The following NNT variants were observed in gnomAD, a reference collection of about 807,000 sequenced individuals.
NNT encodes NAD(P) transhydrogenase, mitochondrial.
In NNT, 50 loss-of-function variants were observed where a neutral mutation model predicts 104.8. The observed-to-expected ratio is 0.48, with a 90% CI of 0.38 to 0.60. The LOEUF (loss-of-function observed/expected upper bound fraction) is 0.60, where lower values mean the gene tolerates loss of function less well. Ranked by LOEUF, NNT falls within the 20% of genes least tolerant of loss-of-function variation. NNT has a pLI of 0.00. For synonymous variants in NNT, 461 were observed against 490.4 expected (o/e 0.94, Z 0.79); for missense variants, 1,131 against 1,330.7 (o/e 0.85, Z 2.33).
rs565598857 is a variant in NNT at position 43,607,840 on chromosome 5, G to T, written c.-53-1303G>T. 4.6e-5 allele frequency among the ~76,000 whole-genome samples: 7 copies of T among 152,322 alleles called. No homozygotes were observed. The South Asian group carries it at 1.4e-3, about 32-fold the overall frequency. ...CTGCTAGGATCAGATGCTCAGTCCC[G>T]TGAGGGTCCACATGATACAGCAGAA... is the stretch of plus-strand genomic sequence containing the variant. On this transcript the variant is annotated intron_variant, in intron 1 of 21. Coordinates refer to ENST00000344920, the MANE Select transcript of NNT (RefSeq NM_182977.3).
chr5:43,639,184 A>C (rs1055166907), intron 7 of NNT, among the ~76,000 whole-genome samples: 2 of 152,172 alleles, frequency 1.3e-5, no homozygotes, highest in African/African-American at 4.8e-5. Flanking sequence ...ACAAAAAAGC[A>C]GAACTTAGTT....
intron 10 of NNT, 149 bp from the exon 11 acceptor site, chr5:43,648,998 A>G (rs1739605780): frequency 3.4e-6 from 3 of 891,822 alleles, no homozygotes; most frequent in African/African-American, 1.7e-5. Flanking sequence ...CCACTTCTCA[A>G]CTGTCAAATG....
intron 7 of NNT, among the ~76,000 whole-genome samples, chr5:43,641,288 AT>A (rs1018129695): frequency 6.6e-6 from 1 of 151,092 alleles, no homozygotes; most frequent in Non-Finnish European, 1.5e-5. Context: ...TTTTGGCTTT[AT>A]TTTTTTCCCT....
intron 12 of NNT, among the ~76,000 whole-genome samples, chr5:43,651,423 C>A (rs145016686): frequency 0.066 from 10,034 of 151,870 alleles, 556 homozygotes; most frequent in African/African-American, 0.15. Context: ...ACTAAAAATA[C>A]AAAAATTAGC....
rs1257387678 is a variant in NNT at position 43,666,770 on chromosome 5, C to T, written c.2634+7420C>T. 5.4e-6 allele frequency: 7 copies of T among 1,298,034 alleles called. No individual in the cohort carries two copies. In the African/African-American group the frequency reaches 1.0e-4, roughly 19 times the overall value. The allele number at this position is 1,298,034 out of a possible 1,614,324, so 80.4% of individuals were successfully genotyped here. A position where few individuals can be genotyped will look rare whatever the true frequency, so the allele number is the denominator to read the frequency against. On this transcript the variant is annotated intron_variant, in intron 17 of 21. Coordinates refer to ENST00000344920, the MANE Select transcript of NNT (RefSeq NM_182977.3). The stretch of plus-strand genomic sequence containing the variant: ...CCTCACGTTGGCAGAGATATCTACT[C>T]TGAAGGCTTTGTAGGGGCCTCGGTA...
At chr5:43,611,325 G>A (rs975920726) in intron 2 of NNT, among the ~76,000 whole-genome samples, 1 of 152,086 alleles carries the variant, frequency 6.6e-6, no homozygotes. Context: ...CAGTTTCTCT[G>A]TCCCTTGTAT....
At chr5:43,643,379 G>A (rs1279072372) in intron 7 of NNT, among the ~76,000 whole-genome samples, 1 of 152,176 alleles carries the variant, frequency 6.6e-6, no homozygotes, top group Non-Finnish European at 1.5e-5. Flanking sequence ...CCTAAGGTCT[G>A]GGTTTTCATC....
chr5:43,703,586 G>T (rs1034555906), intron 21 of NNT, among the ~76,000 whole-genome samples: 1 of 152,082 alleles, frequency 6.6e-6, no homozygotes, highest in African/African-American at 2.4e-5. Context: ...TGTCCTAGTA[G>T]ACCATAGAAA....
Position 43,656,763 on chromosome 5 carries a change from A to C in NNT, c.2404A>C (p.Thr802Pro), listed in dbSNP as rs367728055. The C allele has an allele frequency of 6.2e-7, 1 of 1,614,160 alleles. No individual in the cohort carries two copies. The highest frequency in any genetic ancestry group is 1.3e-5 in the African/African-American group (1 of 75,054). The change falls in exon 16 of 22, where the codon ACT becomes CCT. Residue 802 changes from threonine to proline, a missense_variant. Physicochemically the swap from Thr to Pro is conservative, Grantham distance 38. Transcript: ENST00000344920. ...IIPFMVDPSF[T>P]TGITCLGSVS... is the part of the protein sequence containing the mutation. ...CCCATTCATGGTGGACCCAAGCTTTACTACTGGCATCACCTGTCTGGGTTC... is the reference window on the plus strand; with the variant it reads ...CCCATTCATGGTGGACCCAAGCTTTCCTACTGGCATCACCTGTCTGGGTTC...
chr5:43,625,079 T>C (rs999954069), intron 6 of NNT, among the ~76,000 whole-genome samples: 7 of 152,146 alleles, frequency 4.6e-5, no homozygotes, highest in Non-Finnish European at 8.8e-5. Flanking sequence ...AAACCAAGGA[T>C]AGCTAGAGTT....
At chr5:43,635,420 A>G (rs1750881580) in intron 7 of NNT, among the ~76,000 whole-genome samples, 1 of 152,166 alleles carries the variant, frequency 6.6e-6, no homozygotes, top group South Asian at 2.1e-4. Flanking sequence ...GGTACACATC[A>G]TTCTTGCTTT....
At chr5:43,622,506 G>A (rs1431155678) in intron 5 of NNT, among the ~76,000 whole-genome samples, 4 of 152,124 alleles carry the variant, frequency 2.6e-5, no homozygotes, top group Admixed American at 6.5e-5. Flanking sequence ...AAGCTCAAGC[G>A]ATCCTCCTGT....
At chr5:43,671,267 C>A (rs1371954512) in intron 17 of NNT, among the ~76,000 whole-genome samples, 1 of 152,158 alleles carries the variant, frequency 6.6e-6, no homozygotes, top group South Asian at 2.1e-4. Context: ...TTAATTGGAG[C>A]ATTTAGCCCA....
chr5:43,609,298 A>C lies in NNT; in HGVS notation c.103A>C (p.Thr35Pro). The stretch of plus-strand genomic sequence containing the variant: ...ACGTGTGAAGAAGGATTTTTTACGA[A>C]CATTTTATACTCACCAAGAACTGTG... Reference protein sequence around the residue: ...GLRVKKDFLRTFYTHQELWCK... With the variant: ...GLRVKKDFLRPFYTHQELWCK... Residue 35 changes from threonine (T) to proline (P), a missense_variant, in exon 2 of 22, where the codon ACA (threonine) becomes CCA (proline). By Grantham distance (38) the Thr-to-Pro change is conservative. Transcript: ENST00000344920. 1 of 1,614,136 alleles carries C rather than the reference A, an allele frequency of 6.2e-7. No individual in the cohort carries two copies. The highest frequency in any genetic ancestry group is 8.5e-7 in the Non-Finnish European group (1 of 1,179,996).
In NNT at chr5:43,644,237, T is replaced by C; in HGVS notation, c.1010T>C (p.Met337Thr). The C allele has an allele frequency of 6.2e-7, 1 of 1,612,662 alleles. No individual in the cohort carries two copies. The highest frequency in any genetic ancestry group is 1.1e-5 in the South Asian group (1 of 90,824). Residue 337 changes from methionine (M) to threonine (T), a missense_variant, in exon 8 of 22, where the codon ATG becomes ACG. Met to Thr is a moderately conservative substitution (Grantham distance 81, BLOSUM62 -1). Transcript: ENST00000344920. The stretch of plus-strand genomic sequence containing the variant: ...TTTAATAAAGAAATGATTGAGTCAA[T>C]GAAGGAAGGTTCAGTTGTTGTGGAT... ...VLFNKEMIESMKEGSVVVDLA... is the reference protein window; with the variant it reads ...VLFNKEMIESTKEGSVVVDLA...
Position 43,667,419 on chromosome 5 carries a change from C to T in NNT, c.2634+8069C>T, listed in dbSNP as rs113129831. ...TCTCCTAATGCTATCCCTCCCCACT[C>T]CCCCCACCCCACGACAGGCCCTGGT... On this transcript the variant is annotated intron_variant, in intron 17 of 21. Transcript: ENST00000344920. Among the ~76,000 whole-genome samples, 4 of 152,168 alleles carry T rather than the reference C, an allele frequency of 2.6e-5. No individual in the cohort carries two copies. In the East Asian group the frequency reaches 5.8e-4, roughly 22 times the overall value.
chr5:43,665,240 A>ATTT (rs1561303098), intron 17 of NNT, among the ~76,000 whole-genome samples: 4 of 147,196 alleles, frequency 2.7e-5, no homozygotes, highest in South Asian at 2.2e-4. Flanking sequence ...TATTATTATT[A>ATTT]TTTTTTAGTA....
At chr5:43,631,858 C>T (rs1009247737) in intron 7 of NNT, among the ~76,000 whole-genome samples, 6 of 151,184 alleles carry the variant, frequency 4.0e-5, no homozygotes, top group East Asian at 1.9e-4. Context: ...TCTGAAGCCA[C>T]GATCTGAAGA....
intron 7 of NNT, among the ~76,000 whole-genome samples, chr5:43,643,649 C>T (rs769777408): frequency 6.6e-6 from 1 of 152,116 alleles, no homozygotes; most frequent in Non-Finnish European, 1.5e-5. Flanking sequence ...TTGGCATTTT[C>T]CTGTCTCTCC....
Sources: gnomAD v4.1 joint callset for allele counts (sites outside exome capture counted in the v4.1 genomes callset) on GRCh38, gnomAD v4.1.1 for gene constraint, MANE v1.5 for transcripts, NCBI Gene and HGNC (gene_info 2026-07-23, HGNC 2026-07-21) for gene names.